The following PDCD6IP variants were observed in gnomAD, a reference collection of about 807,000 sequenced individuals.
The protein encoded by PDCD6IP is programmed cell death 6-interacting protein.
PDCD6IP carries 43 observed loss-of-function variants against 103.7 expected under a neutral mutation model. That is an observed-to-expected ratio of 0.41 (90% CI 0.32 to 0.53). PDCD6IP has a LOEUF of 0.53. Ranked by LOEUF, PDCD6IP falls within the 20% of genes least tolerant of loss-of-function variation. PDCD6IP has a pLI of 0.16. For missense variants in PDCD6IP, 871 were observed against 1,036.7 expected, an observed-to-expected ratio of 0.84 and a Z score of 2.20; for synonymous variants, 354 against 378.7, an observed-to-expected ratio of 0.93 and a Z score of 0.76.
At chr3:33,809,365 G>A (rs977839597) in intron 1 of PDCD6IP, among the ~76,000 whole-genome samples, 1 of 152,200 alleles carries the variant, frequency 6.6e-6, no homozygotes. Flanking sequence ...AGTGAGAAAT[G>A]GTGGTAAAAA....
chr3:33,803,451 C>CT (rs1393101078), intron 1 of PDCD6IP, among the ~76,000 whole-genome samples: 1 of 151,996 alleles, frequency 6.6e-6, no homozygotes, highest in African/African-American at 2.4e-5. Context: ...ATTGCTTGTT[C>CT]TTTTCTTTTG....
At chr3:33,812,712 T>G (rs1429021679) in intron 2 of PDCD6IP, among the ~76,000 whole-genome samples, 2 of 152,142 alleles carry the variant, frequency 1.3e-5, no homozygotes, top group African/African-American at 2.4e-5. Flanking sequence ...TGTACTAAAG[T>G]TTTTACAGGT....
In PDCD6IP at chr3:33,826,612, C is replaced by T. The variant is rs189083325; in HGVS notation, c.717+32C>T. 3,641 of 1,608,036 alleles carry T rather than the reference C, an allele frequency of 2.3e-3. 126 individuals are homozygous for T. In the Admixed American group the frequency reaches 0.058, roughly 26 times the overall value. The stretch of plus-strand genomic sequence containing the variant: ...TATTGTTTTTATAAACACTTGCTTA[C>T]TTTGCATGTGAAATATTTAGACTTT... On this transcript the variant is annotated intron_variant, in intron 6 of 17. Transcript: ENST00000307296.
At chr3:33,854,972 TTTTTA>T in intron 14 of PDCD6IP, 189 bp from the exon 15 acceptor site, 1 of 346,498 alleles carries the variant, frequency 2.9e-6, no homozygotes, top group Non-Finnish European at 5.2e-6. Flanking sequence ...GCTTTTATTA[TTTTTA>T]TTTTCTTTAG....
intron 15 of PDCD6IP, among the ~76,000 whole-genome samples, chr3:33,860,507 C>CCTT (rs1364901131): frequency 6.6e-6 from 1 of 152,190 alleles, no homozygotes; most frequent in African/African-American, 2.4e-5. Flanking sequence ...ATTCTCAGCA[C>CCTT]CCTAAAAGCA....
intron 17 of PDCD6IP, among the ~76,000 whole-genome samples, chr3:33,865,941 A>G (rs1434882220): frequency 6.6e-6 from 1 of 152,236 alleles, no homozygotes; most frequent in Non-Finnish European, 1.5e-5. Context: ...CTTAGTAAGT[A>G]CATGTTGTCT....
At position 33,845,405 on chromosome 3, in the gene PDCD6IP, T is replaced by A; in HGVS notation, c.1472-14T>A. 6.2e-7 allele frequency: 1 copy of A among 1,606,398 alleles called. No homozygotes were observed. The highest frequency in any genetic ancestry group is 1.1e-5 in the South Asian group (1 of 90,178). Reference sequence around the variant, plus strand: ...AATCACTTCTGTGCTCTGCAAACTTTTATTTTCTCCCAGAGGGAACCAACT... The same window carrying A: ...AATCACTTCTGTGCTCTGCAAACTTATATTTTCTCCCAGAGGGAACCAACT... On this transcript the variant is annotated splice_polypyrimidine_tract_variant and intron_variant, in intron 11 of 17. Coordinates refer to ENST00000307296, the MANE Select transcript of PDCD6IP (RefSeq NM_013374.6).
At position 33,864,014 on chromosome 3, in the gene PDCD6IP, A is replaced by G. The variant is rs748762692; in HGVS notation, c.2129A>G (p.Gln710Arg). The change falls in exon 16 of 18, where the codon CAA (glutamine) becomes CGA (arginine). Residue 710 changes from glutamine to arginine, a missense_variant. Transcript: ENST00000307296. ...TERDELLKDL[Q>R]QSIAREPSAP... The stretch of plus-strand genomic sequence containing the variant: ...ACTCTGTCTTTGATAAGGGACTTGC[A>G]ACAAAGCATTGCCAGAGAACCTAGT... 6.2e-7 allele frequency: 1 copy of G among 1,612,538 alleles called. No individual in the cohort carries two copies. Among genetic ancestry groups the G allele is most frequent in the Non-Finnish European group, 8.5e-7 (1 of 1,178,680 alleles).
chr3:33,825,226 T>C lies in PDCD6IP; in HGVS notation c.502T>C (p.Leu168=), dbSNP rs1559781136. The change falls in exon 5 of 18, where the codon TTA becomes CTA. Residue 168 remains leucine (L), a synonymous_variant. Transcript: ENST00000307296. ...CTTTTTACATATTAAAGAGACGGTT[T>C]TATCTGCCTTAAGTCGAGAGCCGAC... ...GAFLHIKETV[L]SALSREPTVD... is the part of the protein sequence containing the mutation. 1.2e-6 allele frequency: 2 copies of C among 1,612,912 alleles called. No homozygotes were observed. The highest frequency in any genetic ancestry group is 1.7e-6 in the Non-Finnish European group (2 of 1,179,778).
At chr3:33,810,913 TGAG>T in intron 1 of PDCD6IP, 1 of 159,486 alleles carries the variant, frequency 6.3e-6, no homozygotes, top group Non-Finnish European at 1.4e-5. Context: ...TTTTTTTTTT[TGAG>T]ACAGGTTCTT....
At position 33,798,651 on chromosome 3, in the gene PDCD6IP, G is replaced by T. The variant is rs1559766160; in HGVS notation, c.-78G>T. ...AGCCAGTCAGTCCGCCAGTCCGCCA[G>T]CCCAGTACCTCTCTCTCCTCGGCCC... On this transcript the variant is annotated 5_prime_UTR_variant, in exon 1 of 18. Transcript: ENST00000307296. 7.5e-7 allele frequency: 1 copy of T among 1,339,082 alleles called. No homozygotes were observed. The highest frequency in any genetic ancestry group is 1.0e-6 in the Non-Finnish European group (1 of 990,460). The allele number at this position is 1,339,082 out of a possible 1,614,324, so 83.0% of individuals were successfully genotyped here. A position where few individuals can be genotyped will look rare whatever the true frequency, so the allele number is the denominator to read the frequency against.
chr3:33,834,960 C>G (rs1017904238), intron 7 of PDCD6IP, among the ~76,000 whole-genome samples: 3 of 151,894 alleles, frequency 2.0e-5, no homozygotes, highest in African/African-American at 7.3e-5. Context: ...AAATCTTCCA[C>G]TTTGATTATG....
intron 15 of PDCD6IP, among the ~76,000 whole-genome samples, chr3:33,856,613 AT>A: frequency 6.6e-6 from 1 of 152,270 alleles, no homozygotes; most frequent in Non-Finnish European, 1.5e-5. Context: ...TTAAGTGAAG[AT>A]TGTTGAAAGA....
At chr3:33,799,276 A>G (rs1489923891) in intron 1 of PDCD6IP, 2 of 261,804 alleles carry the variant, frequency 7.6e-6, no homozygotes, top group Non-Finnish European at 1.4e-5. Context: ...CTCTAACTGA[A>G]GCTTCCCCTT....
chr3:33,839,458 G>C (rs1697422643), intron 9 of PDCD6IP, among the ~76,000 whole-genome samples: 1 of 120,570 alleles, frequency 8.3e-6, no homozygotes, highest in South Asian at 2.8e-4. Flanking sequence ...CCATTTTATG[G>C]TTATAGGGCA....
chr3:33,805,825 A>G (rs912924431), intron 1 of PDCD6IP, among the ~76,000 whole-genome samples: 6 of 151,708 alleles, frequency 4.0e-5, no homozygotes, highest in African/African-American at 1.5e-4. Flanking sequence ...GCTCACTGCA[A>G]GCTCCACCTC....
chr3:33,865,030 A>G (rs1698032185), intron 16 of PDCD6IP, among the ~76,000 whole-genome samples: 2 of 152,222 alleles, frequency 1.3e-5, no homozygotes, highest in Non-Finnish European at 2.9e-5. Context: ...ATGAGGCACC[A>G]GGAAAAGAGC....
intron 3 of PDCD6IP, among the ~76,000 whole-genome samples, chr3:33,815,974 C>T (rs1490071663): frequency 6.6e-6 from 1 of 152,030 alleles, no homozygotes; most frequent in Non-Finnish European, 1.5e-5. Flanking sequence ...GGAAGAGGTT[C>T]TGGGAATGAG....
chr3:33,806,034 C>T (rs891218636), intron 1 of PDCD6IP, among the ~76,000 whole-genome samples: 29 of 152,130 alleles, frequency 1.9e-4, no homozygotes, highest in Non-Finnish European at 3.2e-4. Context: ...CGTGTGCCAC[C>T]GTGCCCAGCC....
Sources: gnomAD v4.1 joint callset for allele counts (sites outside exome capture counted in the v4.1 genomes callset) on GRCh38, gnomAD v4.1.1 for gene constraint, MANE v1.5 for transcripts, NCBI Gene and HGNC (gene_info 2026-07-23, HGNC 2026-07-21) for gene names.